The following TENM3 variants were observed in gnomAD, a reference collection of about 807,000 sequenced individuals.
The protein encoded by TENM3 is teneurin-3.
Under a neutral mutation model 255.1 loss-of-function variants are expected in TENM3, and 63 were observed. The ratio of observed to expected loss-of-function variants is 0.25; its 90% CI spans 0.20 to 0.30. The LOEUF is 0.30. Among genes scored for constraint, TENM3 ranks in the 10% least tolerant of loss-of-function variants. The probability of loss-of-function intolerance (pLI) is 1.00; values close to 1 mark genes in which losing one functional copy is unlikely to be tolerated. For missense variants in TENM3, 2,929 were observed against 3,461.1 expected (o/e 0.85, Z 3.86); for synonymous variants, 1,306 against 1,322.3 (o/e 0.99, Z 0.27).
At chr4:181,948,252 A>T in the TENM3 span, among the ~76,000 whole-genome samples, 1 of 152,176 alleles carries the variant, frequency 6.6e-6, no homozygotes, top group South Asian at 2.1e-4. Context: ...GGGGGGAAAA[A>T]ATAGAGACTA....
chr4:182,135,120 C>A, the TENM3 span, among the ~76,000 whole-genome samples: 35 of 145,370 alleles, frequency 2.4e-4, no homozygotes, highest in Middle Eastern at 3.7e-3. Context: ...GGAGGAGAAT[C>A]GCTGGAACCC....
the TENM3 span, among the ~76,000 whole-genome samples, chr4:181,939,297 G>C: frequency 6.6e-6 from 1 of 152,166 alleles, no homozygotes; most frequent in Non-Finnish European, 1.5e-5. Flanking sequence ...CCGGGAACTC[G>C]TTTCTGGTAT....
At chr4:182,194,761 T>G (rs552475391) in intron 1 of TENM3, among the ~76,000 whole-genome samples, 100 of 152,328 alleles carry the variant, frequency 6.6e-4, no homozygotes, top group African/African-American at 2.3e-3. Flanking sequence ...CAAACATTTT[T>G]TTCTCCTCAC....
chr4:182,207,907 TTTAAG>T (rs371293627), intron 1 of TENM3, among the ~76,000 whole-genome samples: 37 of 152,348 alleles, frequency 2.4e-4, no homozygotes, highest in African/African-American at 7.5e-4. Flanking sequence ...TTTCCAGCAG[TTTAAG>T]TTATCTCAAA....
intron 3 of TENM3, among the ~76,000 whole-genome samples, chr4:182,567,169 T>G (rs1336633524): frequency 2.6e-5 from 4 of 152,224 alleles, no homozygotes; most frequent in Non-Finnish European, 2.9e-5. Context: ...TTTGTTTACC[T>G]TTTTTGTGAT....
At chr4:181,881,354 T>C in the TENM3 span, among the ~76,000 whole-genome samples, 2 of 151,780 alleles carry the variant, frequency 1.3e-5, no homozygotes, top group Non-Finnish European at 2.9e-5. Context: ...CAAGGACAAG[T>C]TAAAGAAAAA....
Position 182,736,940 on chromosome 4 carries a change from G to T in TENM3, c.3100G>T (p.Val1034Phe), listed in dbSNP as rs761162327. The change falls in exon 17 of 28, where the codon GTT (valine) becomes TTT (phenylalanine). Residue 1034 changes from valine to phenylalanine, a missense_variant. By Grantham distance (50) the Val-to-Phe change is conservative (BLOSUM62 -1). Around this residue, in one of 6 missense-constraint regions of TENM3, gnomAD observed 1,608 missense variants for 1,884.4 expected, o/e 0.85. Transcript: ENST00000511685. ...TATTATTCCATTTAATTTAATGAAG[G>T]TTCATCTTATGGTAGCTGTAGTAGG... Reference protein sequence around the residue: ...QSIIPFNLMKVHLMVAVVGRL... With the variant: ...QSIIPFNLMKFHLMVAVVGRL... The T allele has an allele frequency of 1.2e-6, 2 of 1,613,804 alleles. No homozygotes were observed. The highest frequency in any genetic ancestry group is 1.7e-6 in the Non-Finnish European group (2 of 1,179,832).
intron 3 of TENM3, among the ~76,000 whole-genome samples, chr4:182,566,866 CTATAG>C (rs1743841368): frequency 1.3e-5 from 2 of 152,058 alleles, no homozygotes; most frequent in Non-Finnish European, 2.9e-5. Context: ...CTGTTCTTTT[CTATAG>C]TATTTCACTA....
chr4:181,673,703 T>C, the TENM3 span, among the ~76,000 whole-genome samples: 6 of 152,136 alleles, frequency 3.9e-5, no homozygotes, highest in Non-Finnish European at 5.9e-5. Flanking sequence ...AATAAATGTA[T>C]CATTATTTCA....
chr4:182,776,572 T>C (rs2152802606), intron 24 of TENM3, among the ~76,000 whole-genome samples: 2 of 152,328 alleles, frequency 1.3e-5, no homozygotes, highest in South Asian at 4.1e-4. Context: ...GTCCAGAAAC[T>C]GACCACATAA....
chr4:182,037,651 T>C, the TENM3 span, among the ~76,000 whole-genome samples: 1 of 152,164 alleles, frequency 6.6e-6, no homozygotes, highest in African/African-American at 2.4e-5. Flanking sequence ...TTTGTTTGTA[T>C]TGGCACATTT....
intron 3 of TENM3, among the ~76,000 whole-genome samples, chr4:182,442,176 C>G (rs984018651): frequency 6.6e-6 from 1 of 152,094 alleles, no homozygotes; most frequent in Non-Finnish European, 1.5e-5. Flanking sequence ...TATGTGCATA[C>G]TCATAAATCG....
Position 182,640,896 on chromosome 4 carries a change from C to T in TENM3, c.988+12007C>T, listed in dbSNP as rs182138933. Among the ~76,000 whole-genome samples the T allele has an allele frequency of 3.2e-4, 49 of 152,294 alleles. No individual in the cohort carries two copies. In the East Asian group the frequency reaches 6.0e-3, roughly 19 times the overall value. On this transcript the variant is annotated intron_variant, in intron 5 of 27. Transcript: ENST00000511685. ...GCAGGCTTCATAAGAACGTTTTTCT[C>T]CTCTGCCTGAGGAGTAAGATGAGAC...
rs183243893 is a variant in TENM3, at chr4:182,194,321, G to C, written c.-76+49567G>C. ...AAGCTGAGTACCGCTGAAAATCACTGTGGCATTCATGCTGATGTGTACTGA... is the reference window on the plus strand; with the variant it reads ...AAGCTGAGTACCGCTGAAAATCACTCTGGCATTCATGCTGATGTGTACTGA... On this transcript the variant is annotated intron_variant, in intron 1 of 2. Transcript: ENST00000512480. Among the ~76,000 whole-genome samples, 293 of 152,284 alleles carry C rather than the reference G, an allele frequency of 1.9e-3. 2 individuals are homozygous for C. Among genetic ancestry groups the C allele is most frequent in the African/African-American group, 6.8e-3 (281 of 41,550 alleles).
chr4:182,321,166 T>C (rs1763024682), intron 1 of TENM3, among the ~76,000 whole-genome samples: 1 of 152,130 alleles, frequency 6.6e-6, no homozygotes, highest in African/African-American at 2.4e-5. Flanking sequence ...GGAAACAAAA[T>C]TTCCCTGGAA....
chr4:181,611,716 C>T, the TENM3 span, among the ~76,000 whole-genome samples: 2 of 152,272 alleles, frequency 1.3e-5, no homozygotes, highest in East Asian at 3.9e-4. Flanking sequence ...CTTTAAAATG[C>T]AAATAAAATG....
the TENM3 span, among the ~76,000 whole-genome samples, chr4:181,628,577 T>G: frequency 3.9e-5 from 6 of 152,346 alleles, no homozygotes; most frequent in Admixed American, 3.9e-4. Flanking sequence ...CCAGCACCAC[T>G]TATTAAATAG....
the TENM3 span, among the ~76,000 whole-genome samples, chr4:181,891,524 T>G: frequency 6.6e-6 from 1 of 152,312 alleles, no homozygotes; most frequent in Non-Finnish European, 1.5e-5. Flanking sequence ...CTTTATCTCC[T>G]TTCTTGCTTC....
the TENM3 span, among the ~76,000 whole-genome samples, chr4:181,525,958 A>G: frequency 6.6e-6 from 1 of 152,194 alleles, no homozygotes; most frequent in Admixed American, 6.5e-5. Flanking sequence ...AGCAAAGCAC[A>G]ATAGATCTTA....
Sources: allele counts gnomAD v4.1 joint callset (sites outside exome capture counted in the v4.1 genomes callset), GRCh38; gene constraint gnomAD v4.1.1; regional missense constraint gnomAD v4.1.1; transcripts MANE v1.5; gene names NCBI Gene and HGNC (gene_info 2026-07-23, HGNC 2026-07-21).